The following EGF variants were observed in gnomAD, a reference collection of about 807,000 sequenced individuals.
EGF encodes the protein pro-epidermal growth factor.
Under a neutral mutation model 143.8 loss-of-function variants are expected in EGF, and 95 were observed. The observed-to-expected ratio is 0.66, with a 90% CI of 0.56 to 0.78. The LOEUF is 0.78. EGF is among the 30% of genes least tolerant of loss of function. EGF has a pLI of 0.00. For missense variants in EGF, 1,320 were observed against 1,470.9 expected (o/e 0.90, Z 1.68); for synonymous variants, 510 against 510.5 (o/e 1.00, Z 0.01).
At chr4:109,940,870 T>G in intron 1 of EGF, 76 bp from the exon 2 acceptor site, 2 of 1,389,750 alleles carry the variant, frequency 1.4e-6, no homozygotes, top group Non-Finnish European at 2.0e-6. Context: ...TTGTGTTGGT[T>G]GTCATTGGGA....
intron 11 of EGF, 139 bp from the exon 12 acceptor site, chr4:109,974,564 A>G: frequency 1.5e-6 from 1 of 660,686 alleles, no homozygotes. Flanking sequence ...GAGAAAGAGT[A>G]AGAGATAGGG....
At chr4:109,938,907 G>A (rs1741398134) in intron 1 of EGF, among the ~76,000 whole-genome samples, 1 of 152,172 alleles carries the variant, frequency 6.6e-6, no homozygotes, top group African/African-American at 2.4e-5. Context: ...TCCCAGAGGG[G>A]CACTTGCCTG....
rs144033378 is a variant in EGF, at chr4:109,918,832, T to C, written c.127+5370T>C. Among the ~76,000 whole-genome samples the C allele has an allele frequency of 2.6e-3, 394 of 152,340 alleles. 1 individual carries two copies. Among genetic ancestry groups the C allele is most frequent in the African/African-American group, 9.1e-3 (379 of 41,584 alleles). ...CAACAACAAAGTAAAACATTTTTCATTCCTGTTCCTAAAAGTGACACAAGG... is the reference window on the plus strand; with the variant it reads ...CAACAACAAAGTAAAACATTTTTCACTCCTGTTCCTAAAAGTGACACAAGG... On this transcript the variant is annotated intron_variant, in intron 1 of 23. Coordinates refer to ENST00000265171, the MANE Select transcript of EGF (RefSeq NM_001963.6).
chr4:109,958,758 A>G (rs1055968919), intron 5 of EGF, among the ~76,000 whole-genome samples: 1 of 151,808 alleles, frequency 6.6e-6, no homozygotes, highest in Non-Finnish European at 1.5e-5. Flanking sequence ...TCTCTACTAA[A>G]AATACAAAAA....
Position 109,944,039 on chromosome 4 carries a change from G to A in EGF, c.707G>A (p.Gly236Asp), listed in dbSNP as rs1278963711. The change falls in exon 4 of 24, where the codon GGT becomes GAT. Residue 236 changes from glycine to aspartate, a missense_variant. Around this residue, in one of 5 missense-constraint regions of EGF, gnomAD observed 1,186 missense variants for 1,313.7 expected, o/e 0.90. Transcript: ENST00000265171. ...SLICSCDYDG[G>D]SVHISKHPTQ... Reference sequence around the variant, plus strand: ...ATTTGCTCCTGTGATTATGATGGAGGTTCTGTCCACATTAGTAAACATCCA... The same window carrying A: ...ATTTGCTCCTGTGATTATGATGGAGATTCTGTCCACATTAGTAAACATCCA... 2 of 1,614,092 alleles carry A rather than the reference G, an allele frequency of 1.2e-6. No homozygotes were observed. Among genetic ancestry groups the A allele is most frequent in the South Asian group, 1.1e-5 (1 of 91,068 alleles).
rs1736035920 is a variant in EGF at position 109,913,357 on chromosome 4, C to G, written c.22C>G (p.Leu8Val). 6.2e-7 allele frequency: 1 copy of G among 1,613,948 alleles called. No individual in the cohort carries two copies. Among genetic ancestry groups the G allele is most frequent in the East Asian group, 2.2e-5 (1 of 44,884 alleles). Residue 8 changes from leucine to valine, a missense_variant, in exon 1 of 24, where the codon CTG (leucine) becomes GTG (valine). Around this residue, in one of 5 missense-constraint regions of EGF, gnomAD observed 79 missense variants for 71.2 expected, o/e 1.11. Transcript: ENST00000265171. MLLTLIILLPVVSKFSFV... is the reference protein window; with the variant it reads MLLTLIIVLPVVSKFSFV... ...GATTATGCTGCTCACTCTTATCATT[C>G]TGTTGCCAGTAGTTTCAAAATTTAG...
chr4:109,993,410 GC>G, intron 19 of EGF, 41 bp downstream of exon 19: 1 of 1,611,262 alleles, frequency 6.2e-7, no homozygotes, highest in East Asian at 2.2e-5. Flanking sequence ...GAGGGACTTG[GC>G]TCGGGGATAT....
At chr4:109,978,685 C>T (rs1014460465) in intron 13 of EGF, among the ~76,000 whole-genome samples, 3 of 152,154 alleles carry the variant, frequency 2.0e-5, no homozygotes, top group African/African-American at 7.2e-5. Flanking sequence ...ATGTACTTAA[C>T]ACTACTGAAC....
At chr4:109,935,105 A>C (rs1560648591) in intron 1 of EGF, among the ~76,000 whole-genome samples, 1 of 152,294 alleles carries the variant, frequency 6.6e-6, no homozygotes, top group East Asian at 1.9e-4. Context: ...GAAGAAAGTC[A>C]GGGGTAGCTT....
At chr4:109,950,285 T>A (rs942051622) in intron 5 of EGF, among the ~76,000 whole-genome samples, 1 of 152,106 alleles carries the variant, frequency 6.6e-6, no homozygotes. Context: ...ATGGCATCAC[T>A]CTCTACCGCA....
intron 5 of EGF, among the ~76,000 whole-genome samples, chr4:109,953,414 C>T (rs1744261176): frequency 6.6e-6 from 1 of 152,122 alleles, no homozygotes; most frequent in African/African-American, 2.4e-5. Context: ...GATTCTTATA[C>T]AAAGAGGAGC....
At chr4:109,994,057 T>C (rs1362670167) in intron 19 of EGF, among the ~76,000 whole-genome samples, 1 of 152,078 alleles carries the variant, frequency 6.6e-6, no homozygotes, top group East Asian at 1.9e-4. Context: ...CATATTATTT[T>C]TCTCAAATAA....
intron 23 of EGF, among the ~76,000 whole-genome samples, chr4:110,009,862 C>G (rs1459964610): frequency 6.6e-6 from 1 of 152,220 alleles, no homozygotes; most frequent in Non-Finnish European, 1.5e-5. Context: ...CAGCTGACAT[C>G]AGTTGACACA....
intron 11 of EGF, among the ~76,000 whole-genome samples, chr4:109,971,543 G>A (rs192053762): frequency 8.5e-5 from 13 of 152,194 alleles, no homozygotes; most frequent in Admixed American, 3.3e-4. Context: ...CCATGGTACC[G>A]ACTGCAGAGG....
At chr4:109,953,580 T>A (rs1744291089) in intron 5 of EGF, among the ~76,000 whole-genome samples, 1 of 152,228 alleles carries the variant, frequency 6.6e-6, no homozygotes, top group African/African-American at 2.4e-5. Flanking sequence ...TTTTCTTTAA[T>A]CATCTCTATA....
Position 109,941,154 on chromosome 4 carries a change from C to G in EGF, c.327+9C>G, listed in dbSNP as rs748606897. On this transcript the variant is annotated intron_variant, in intron 2 of 23. Coordinates refer to ENST00000265171, the MANE Select transcript of EGF (RefSeq NM_001963.6). Reference sequence around the variant, plus strand: ...ATGGGTCAAGGCAAGAGGTAAAATACCCTTACCTACAGTGTTTGAGCTGTT... The same window carrying G: ...ATGGGTCAAGGCAAGAGGTAAAATAGCCTTACCTACAGTGTTTGAGCTGTT... 11 of 1,612,812 alleles carry G rather than the reference C, an allele frequency of 6.8e-6. No homozygotes were observed. The highest frequency in any genetic ancestry group is 9.3e-6 in the Non-Finnish European group (11 of 1,179,244).
chr4:109,961,832 A>T (rs1301831175), intron 7 of EGF, 31 bp from the exon 8 acceptor site: 3 of 1,612,366 alleles, frequency 1.9e-6, no homozygotes, highest in Non-Finnish European at 2.5e-6. Flanking sequence ...CCGATTTAAC[A>T]CTAATCTTGA....
chr4:109,938,132 C>T lies in EGF; in HGVS notation c.128-2814C>T, dbSNP rs376094914. Among the ~76,000 whole-genome samples, 5 of 152,290 alleles carry T rather than the reference C, an allele frequency of 3.3e-5. No individual in the cohort carries two copies. In the South Asian group the frequency reaches 8.3e-4, roughly 25 times the overall value. ...TTTTCTAACTTGGTTCCATTCTCCC[C>T]GTCACTTTCAGGTACACCAATCAAA... On this transcript the variant is annotated intron_variant, in intron 1 of 23. Transcript: ENST00000265171.
chr4:109,934,837 G>A (rs28803170), intron 1 of EGF, among the ~76,000 whole-genome samples: 2,689 of 152,194 alleles, frequency 0.018, 88 homozygotes, highest in African/African-American at 0.061. Context: ...CCTATTGCTC[G>A]TTTTTGTCAA....
Sources: allele counts gnomAD v4.1 joint callset (sites outside exome capture counted in the v4.1 genomes callset), GRCh38; gene constraint gnomAD v4.1.1; regional missense constraint gnomAD v4.1.1; transcripts MANE v1.5; gene names NCBI Gene and HGNC (gene_info 2026-07-23, HGNC 2026-07-21).